Variants in FXR1 observed in about 807,000 individuals in gnomAD.
FXR1 encodes the protein FMR1 autosomal homolog 1.
In FXR1, 15 loss-of-function variants were observed where a neutral mutation model predicts 84.0. The ratio of observed to expected loss-of-function variants is 0.18; its 90% CI spans 0.12 to 0.27. The LOEUF is 0.27. Ranked by LOEUF, FXR1 falls within the 10% of genes least tolerant of loss-of-function variation. The probability of loss-of-function intolerance (pLI) is 1.00; values close to 1 mark genes in which losing one functional copy is unlikely to be tolerated. For missense variants in FXR1, 480 were observed against 774.4 expected (o/e 0.62, Z 4.51); for synonymous variants, 245 against 250.7 (o/e 0.98, Z 0.21).
At chr3:180,921,922 C>G (rs1718642545) in intron 1 of FXR1, among the ~76,000 whole-genome samples, 1 of 152,006 alleles carries the variant, frequency 6.6e-6, no homozygotes, top group Admixed American at 6.6e-5. Flanking sequence ...ATACGTGGTT[C>G]CATATATTTC....
At chr3:180,974,210 G>C (rs1713938534) in intron 15 of FXR1, among the ~76,000 whole-genome samples, 1 of 148,878 alleles carries the variant, frequency 6.7e-6, no homozygotes, top group African/African-American at 2.5e-5. Flanking sequence ...CCAGGCTGGA[G>C]TGCAGTGGCA....
rs764469659 is a variant in FXR1 at position 180,948,513 on chromosome 3, C to T, written c.419+18C>T. 6.5e-6 allele frequency: 10 copies of T among 1,535,868 alleles called. No individual in the cohort carries two copies. In the Admixed American group the frequency reaches 1.8e-4, roughly 27 times the overall value. On this transcript the variant is annotated intron_variant, in intron 5 of 16. Coordinates refer to ENST00000357559, the MANE Select transcript of FXR1 (RefSeq NM_005087.4). ...AGAGAGGCGTGAGTAATTTTATATA[C>T]TATTGAATTGTTCTGTGAATTAAGA... is the stretch of plus-strand genomic sequence containing the variant.
chr3:180,949,467 A>T (rs1024096119), intron 7 of FXR1, 124 bp downstream of exon 7: 4 of 678,264 alleles, frequency 5.9e-6, no homozygotes, highest in Non-Finnish European at 8.1e-6. Flanking sequence ...GCTTACTGCA[A>T]CCTCCACCTC....
intron 8 of FXR1, among the ~76,000 whole-genome samples, chr3:180,952,712 T>TA (rs1318660220): frequency 6.6e-6 from 1 of 152,070 alleles, no homozygotes; most frequent in Non-Finnish European, 1.5e-5. Flanking sequence ...CTTACCTTAA[T>TA]ACAGTTCTTA....
intron 1 of FXR1, among the ~76,000 whole-genome samples, chr3:180,919,261 C>A (rs1163932041): frequency 1.3e-5 from 2 of 150,442 alleles, no homozygotes; most frequent in South Asian, 2.1e-4. Flanking sequence ...ATGTGAAACA[C>A]CTAAATTTTA....
intron 3 of FXR1, among the ~76,000 whole-genome samples, chr3:180,944,568 C>T (rs956446025): frequency 6.6e-6 from 1 of 152,104 alleles, no homozygotes; most frequent in African/African-American, 2.4e-5. Flanking sequence ...CTCAAGCAGT[C>T]CTCCTGCCTC....
chr3:180,926,506 A>ATAT (rs72192827), intron 1 of FXR1, among the ~76,000 whole-genome samples: 44 of 124,374 alleles, frequency 3.5e-4, no homozygotes, highest in East Asian at 1.5e-3. Flanking sequence ...ATATATATAT[A>ATAT]TTTTTTTTTC....
At chr3:180,946,285 C>A (rs1721687766) in intron 3 of FXR1, among the ~76,000 whole-genome samples, 1 of 152,070 alleles carries the variant, frequency 6.6e-6, no homozygotes, top group South Asian at 2.1e-4. Flanking sequence ...TTCCTCTGTT[C>A]CATTTTAGTC....
At position 180,949,264 on chromosome 3, in the gene FXR1, T is replaced by C. The variant is rs1313213333; in HGVS notation, c.551T>C (p.Leu184Ser). 1 of 1,602,650 alleles carries C rather than the reference T, an allele frequency of 6.2e-7. No individual in the cohort carries two copies. Among genetic ancestry groups the C allele is most frequent in the Non-Finnish European group, 8.6e-7 (1 of 1,169,468 alleles). Residue 184 changes from leucine to serine, a missense_variant, in exon 7 of 17, where the codon TTA (leucine) becomes TCA (serine). Leu to Ser is a moderately radical substitution (Grantham distance 145). Around this residue, in one of 6 missense-constraint regions of FXR1, gnomAD observed 136 missense variants for 315.4 expected, o/e 0.43. Transcript: ENST00000357559. ...SEATVKRVNI[L>S]SDMHLRSIRT... ...GCAACTGTGAAGAGAGTAAACATCTTAAGTGACATGCATTTGCGAAGTATT... is the reference window on the plus strand; with the variant it reads ...GCAACTGTGAAGAGAGTAAACATCTCAAGTGACATGCATTTGCGAAGTATT...
At chr3:180,956,440 A>T (rs781477611) in intron 9 of FXR1, among the ~76,000 whole-genome samples, 6 of 152,226 alleles carry the variant, frequency 3.9e-5, no homozygotes, top group African/African-American at 9.6e-5. Context: ...GTTCCTGCCA[A>T]GGACCCCAGA....
intron 15 of FXR1, among the ~76,000 whole-genome samples, chr3:180,974,982 A>G (rs1338715581): frequency 8.5e-6 from 1 of 117,448 alleles, no homozygotes; most frequent in Non-Finnish European, 1.6e-5. Context: ...TGGGCTTAGA[A>G]CACTGCGTTT....
chr3:180,937,976 G>GA lies in FXR1; in HGVS notation c.198+2753dup, dbSNP rs200610302. Among the ~76,000 whole-genome samples the GA allele has an allele frequency of 6.4e-3, 969 of 151,704 alleles. 5 individuals are homozygous for GA. The highest frequency in any genetic ancestry group is 9.3e-3 in the Non-Finnish European group (633 of 67,872). ...CATGTATAAAGGACATATTTAAGTTGAAAAAAAATTGGGATTAAGTTATAT... is the reference window on the plus strand; with the variant it reads ...CATGTATAAAGGACATATTTAAGTTGAAAAAAAAATTGGGATTAAGTTATAT... On this transcript the variant is annotated intron_variant, in intron 3 of 16. Transcript: ENST00000357559.
At chr3:180,954,577 A>G (rs1722552631) in intron 9 of FXR1, among the ~76,000 whole-genome samples, 1 of 152,164 alleles carries the variant, frequency 6.6e-6, no homozygotes, top group Non-Finnish European at 1.5e-5. Flanking sequence ...GGCTTTGGTT[A>G]TGTGTTAAGT....
Position 180,964,673 on chromosome 3 carries a change from TTATA to T in FXR1, c.1198+1608_1198+1611del, listed in dbSNP as rs10600370. ...TATATCAGAGGGACTTGTAGTTGATTTATATATATATATATATATATATATATAA... is the reference window on the plus strand; with the variant it reads ...TATATCAGAGGGACTTGTAGTTGATTTATATATATATATATATATATATAA... On this transcript the variant is annotated intron_variant, in intron 13 of 16. Coordinates refer to ENST00000357559, the MANE Select transcript of FXR1 (RefSeq NM_005087.4). Among the ~76,000 whole-genome samples, 625 of 136,238 alleles carry T rather than the reference TTATA, an allele frequency of 4.6e-3. 4 individuals are homozygous for T. Among genetic ancestry groups the T allele is most frequent in the Middle Eastern group, 0.015 (4 of 272 alleles). The allele number at this position is 136,238 out of a possible 152,430, so 89.4% of individuals were successfully genotyped here.
Position 180,979,998 on chromosome 3 carries a change from T to C in FXR1, c.*3706T>C, listed in dbSNP as rs1032422754. On this transcript the variant is annotated 3_prime_UTR_variant, in exon 17 of 17. Transcript: ENST00000357559. ...TTCTTCCTTTGATAATTCAAAAAGA[T>C]GCTTTAGGTAATGGTACAGAATTAG... The C allele has an allele frequency of 6.6e-6, 1 of 152,090 alleles. No individual in the cohort carries two copies. Among genetic ancestry groups the C allele is most frequent in the African/African-American group, 2.4e-5 (1 of 41,444 alleles). 9.4% of individuals were successfully genotyped at this position (152,090 alleles called of 1,614,324 possible).
Position 180,970,307 on chromosome 3 carries a change from A to T in FXR1, c.1552A>T (p.Met518Leu), listed in dbSNP as rs749278351. Reference protein sequence around the residue: ...RRRTDEDAVLMDGMTESDTAS... With the variant: ...RRRTDEDAVLLDGMTESDTAS... ...AAGGACTGATGAAGATGCTGTTCTGATGGATGGAATGACTGAATCTGATAC... is the reference window on the plus strand; with the variant it reads ...AAGGACTGATGAAGATGCTGTTCTGTTGGATGGAATGACTGAATCTGATAC... Residue 518 changes from methionine (M) to leucine (L), a missense_variant, in exon 15 of 17, where the codon ATG (methionine) becomes TTG (leucine). Physicochemically the swap from Met to Leu is conservative, Grantham distance 15. Around this residue, in one of 6 missense-constraint regions of FXR1, gnomAD observed 157 missense variants for 227.8 expected, o/e 0.69. Transcript: ENST00000357559. 1.2e-6 allele frequency: 2 copies of T among 1,604,338 alleles called. No homozygotes were observed. Among genetic ancestry groups the T allele is most frequent in the Admixed American group, 1.7e-5 (1 of 59,536 alleles).
At chr3:180,915,616 G>A (rs2108415788) in intron 1 of FXR1, 1 of 765,438 alleles carries the variant, frequency 1.3e-6, no homozygotes, top group Non-Finnish European at 2.3e-6. Context: ...TTTTTTGGTG[G>A]TTTTTCAATG....
At chr3:180,915,154 C>T (rs1023929799) in intron 1 of FXR1, among the ~76,000 whole-genome samples, 2 of 152,158 alleles carry the variant, frequency 1.3e-5, no homozygotes, top group African/African-American at 2.4e-5. Flanking sequence ...AAGTTTATTG[C>T]TTTTTATTCA....
chr3:180,979,915 C>T lies in FXR1; in HGVS notation c.*3623C>T, dbSNP rs1462274225. ...ACTGAGGTAAGGTACACAAAAATTC[C>T]CCTGGAAAAACTATATTCTAGTTTT... is the stretch of plus-strand genomic sequence containing the variant. On this transcript the variant is annotated 3_prime_UTR_variant, in exon 17 of 17. Coordinates refer to ENST00000357559, the MANE Select transcript of FXR1 (RefSeq NM_005087.4). 1.3e-5 allele frequency: 2 copies of T among 151,908 alleles called. No homozygotes were observed. Among genetic ancestry groups the T allele is most frequent in the African/African-American group, 4.8e-5 (2 of 41,376 alleles). The allele number at this position is 151,908 out of a possible 1,614,324, so 9.4% of individuals were successfully genotyped here. A position where few individuals can be genotyped will look rare whatever the true frequency, so the allele number is the denominator to read the frequency against.
Sources: allele counts gnomAD v4.1 joint callset (sites outside exome capture counted in the v4.1 genomes callset), GRCh38; gene constraint gnomAD v4.1.1; regional missense constraint gnomAD v4.1.1; transcripts MANE v1.5; gene names NCBI Gene and HGNC (gene_info 2026-07-23, HGNC 2026-07-21).